The following KIAA0319 variants were observed in gnomAD, a reference collection of about 807,000 sequenced individuals.
KIAA0319 encodes the protein KIAA0319, also known as dyslexia-associated protein KIAA0319.
A neutral mutation model predicts 108.4 loss-of-function variants in KIAA0319; 83 were observed. The ratio of observed to expected loss-of-function variants is 0.77; its 90% confidence interval spans 0.64 to 0.92. KIAA0319 has a LOEUF of 0.92. Among genes scored for constraint, KIAA0319 ranks in the 40% least tolerant of loss-of-function variants. The pLI, the probability that KIAA0319 is intolerant of heterozygous loss-of-function variation, is 0.00. For missense variants in KIAA0319, 1,195 were observed against 1,322.4 expected (o/e 0.90, Z 1.49); for synonymous variants, 484 against 510.4 (o/e 0.95, Z 0.70).
intron 1 of KIAA0319, among the ~76,000 whole-genome samples, chr6:24,620,302 T>C (rs1324050861): frequency 1.3e-5 from 2 of 152,238 alleles, no homozygotes; most frequent in African/African-American, 4.8e-5. Context: ...CTATCCCTAG[T>C]TGTGTTTTTG....
chr6:24,590,264 T>C (rs576238027), intron 3 of KIAA0319, among the ~76,000 whole-genome samples: 117 of 147,182 alleles, frequency 7.9e-4, no homozygotes, highest in African/African-American at 2.6e-3. Flanking sequence ...AGGCAACTGG[T>C]GAAACCTGCA....
At position 24,564,145 on chromosome 6, in the gene KIAA0319, C is replaced by T. The variant is rs1763514701; in HGVS notation, c.2431+57G>A. On this transcript the variant is annotated intron_variant, in intron 15 of 20. Coordinates refer to ENST00000378214, the MANE Select transcript of KIAA0319 (RefSeq NM_014809.4). ...CTGGTCACATCTGTCAGCGTAAAGA[C>T]CCCAAAGGCTGACCAGCCAGAGCCT... is the stretch of plus-strand genomic sequence containing the variant. 1.8e-5 allele frequency: 29 copies of T among 1,608,494 alleles called. 1 individual carries two copies. The South Asian group carries it at 3.2e-4, about 18-fold the overall frequency.
intron 4 of KIAA0319, among the ~76,000 whole-genome samples, chr6:24,586,683 C>T (rs1767548287): frequency 6.6e-6 from 1 of 152,106 alleles, no homozygotes; most frequent in Non-Finnish European, 1.5e-5. Context: ...TTCCTCATTT[C>T]CCTGGGCATC....
chr6:24,548,087 C>T (rs143084101), intron 20 of KIAA0319, among the ~76,000 whole-genome samples: 97 of 152,260 alleles, frequency 6.4e-4, no homozygotes, highest in South Asian at 1.2e-3. Flanking sequence ...GAAGATGGCT[C>T]ATAACAGGTT....
chr6:24,551,868 CA>C lies in KIAA0319; in HGVS notation c.2949-344del, dbSNP rs1181823103. Among the ~76,000 whole-genome samples, 3 of 152,304 alleles carry C rather than the reference CA, an allele frequency of 2.0e-5. No homozygotes were observed. In the East Asian group the frequency reaches 5.8e-4, roughly 29 times the overall value. On this transcript the variant is annotated intron_variant, in intron 19 of 20. Coordinates refer to ENST00000378214, the MANE Select transcript of KIAA0319 (RefSeq NM_014809.4). The stretch of plus-strand genomic sequence containing the variant: ...CCTTATTCAGAAAAGCCTGGATGAG[CA>C]AATGTTCCCCTGAACCTGTATCACC...
intron 2 of KIAA0319, among the ~76,000 whole-genome samples, chr6:24,600,011 C>G (rs1269138685): frequency 7.1e-6 from 1 of 141,664 alleles, no homozygotes; most frequent in Non-Finnish European, 1.5e-5. Context: ...AATAAACCCT[C>G]AGCTAGTTCT....
chr6:24,585,378 C>T (rs927023956), intron 4 of KIAA0319, among the ~76,000 whole-genome samples: 4 of 151,060 alleles, frequency 2.6e-5, no homozygotes, highest in Non-Finnish European at 5.9e-5. Context: ...AATTTGCCCA[C>T]AAGAAACTCC....
chr6:24,569,385 A>G (rs1436882607), intron 12 of KIAA0319, among the ~76,000 whole-genome samples: 1 of 152,168 alleles, frequency 6.6e-6, no homozygotes, highest in Non-Finnish European at 1.5e-5. Flanking sequence ...TTTGGGTCCA[A>G]GCTCTTTCTC....
At chr6:24,561,838 A>G (rs1561934991) in intron 16 of KIAA0319, among the ~76,000 whole-genome samples, 1 of 152,052 alleles carries the variant, frequency 6.6e-6, no homozygotes, top group Non-Finnish European at 1.5e-5. Context: ...GAGTAGCTGG[A>G]ATTACAGGTA....
chr6:24,574,513 A>T (rs1168001738), intron 10 of KIAA0319, among the ~76,000 whole-genome samples: 1 of 152,206 alleles, frequency 6.6e-6, no homozygotes, highest in African/African-American at 2.4e-5. Context: ...TCAACTGAGT[A>T]TGCAACAGCT....
intron 1 of KIAA0319, among the ~76,000 whole-genome samples, chr6:24,639,631 C>G (rs552664583): frequency 6.6e-6 from 1 of 152,052 alleles, no homozygotes; most frequent in African/African-American, 2.4e-5. Flanking sequence ...GGGCAGATCA[C>G]GAGGTCAGGA....
chr6:24,543,371 A>G (rs1055033410), downstream of KIAA0319, among the ~76,000 whole-genome samples: 3 of 152,242 alleles, frequency 2.0e-5, no homozygotes, highest in Non-Finnish European at 2.9e-5. Context: ...ATGTGCACAC[A>G]TATCAAAGCA....
At chr6:24,558,388 GATAGATAGAT>G (rs1762618148) in intron 17 of KIAA0319, among the ~76,000 whole-genome samples, 1 of 152,096 alleles carries the variant, frequency 6.6e-6, no homozygotes, top group African/African-American at 2.4e-5. Flanking sequence ...TAGATAGATA[GATAGATAGAT>G]AGATAGATAT....
chr6:24,608,595 A>C (rs1267964238), intron 1 of KIAA0319, among the ~76,000 whole-genome samples: 7 of 152,174 alleles, frequency 4.6e-5, no homozygotes, highest in South Asian at 2.1e-4. Context: ...GATATTCAAT[A>C]AATGGATCCA....
In KIAA0319 at chr6:24,599,286, C is replaced by G. The variant is rs903997924; in HGVS notation, c.55+1763G>C. ...AAAGATGGAGATCTCTGAGATGAATCAGAACATCAGCCGGCTCCAGACTGA... is the reference window on the plus strand; with the variant it reads ...AAAGATGGAGATCTCTGAGATGAATGAGAACATCAGCCGGCTCCAGACTGA... On this transcript the variant is annotated intron_variant, in intron 2 of 20. Coordinates refer to ENST00000378214, the MANE Select transcript of KIAA0319 (RefSeq NM_014809.4). This position sits in a 1 kb window ranked among gnomAD's most constrained non-coding sequence, Gnocchi z 4.1. 2.1e-6 allele frequency: 1 copy of G among 487,308 alleles called. No individual in the cohort carries two copies. The highest frequency in any genetic ancestry group is 2.0e-5 in the African/African-American group (1 of 51,080). 30.2% of individuals were successfully genotyped at this position (487,308 alleles called of 1,614,324 possible). A position where few individuals can be genotyped will look rare whatever the true frequency, so the allele number is the denominator to read the frequency against.
intron 19 of KIAA0319, among the ~76,000 whole-genome samples, chr6:24,554,263 G>GA (rs1056907063): frequency 7.2e-5 from 11 of 152,174 alleles, no homozygotes; most frequent in African/African-American, 2.7e-4. Context: ...GGTTGAGTGA[G>GA]AAAACAGTAC....
chr6:24,619,173 A>T (rs895309823), intron 1 of KIAA0319, among the ~76,000 whole-genome samples: 32 of 152,240 alleles, frequency 2.1e-4, no homozygotes, highest in African/African-American at 7.5e-4. Flanking sequence ...AGTATGAAGG[A>T]TCTTTGGCTT....
intron 1 of KIAA0319, among the ~76,000 whole-genome samples, chr6:24,637,823 TAA>T (rs11325613): frequency 0.012 from 1,803 of 149,242 alleles, 19 homozygotes; most frequent in Middle Eastern, 0.028. Flanking sequence ...ATCCTTCAGT[TAA>T]AAAAAAAAAA....
At chr6:24,555,563 A>C (rs1013352546) in intron 18 of KIAA0319, among the ~76,000 whole-genome samples, 3 of 151,546 alleles carry the variant, frequency 2.0e-5, no homozygotes, top group Non-Finnish European at 4.4e-5. Flanking sequence ...TGGAATAATG[A>C]TCCAAGGGCT....
Sources: gnomAD v4.1 joint callset for allele counts (sites outside exome capture counted in the v4.1 genomes callset) on GRCh38, gnomAD v4.1.1 for gene constraint, Gnocchi (gnomAD v3.1) non-coding constraint, MANE v1.5 for transcripts, NCBI Gene and HGNC (gene_info 2026-07-23, HGNC 2026-07-21) for gene names.